PTPRU: variants seen among roughly 807,000 people sequenced by gnomAD.
PTPRU encodes the protein protein tyrosine phosphatase receptor type U, also known as receptor-type tyrosine-protein phosphatase U.
PTPRU carries 69 observed loss-of-function variants against 166.3 expected under a neutral mutation model. The ratio of observed to expected loss-of-function variants is 0.41; its 90% CI spans 0.34 to 0.51. The LOEUF (loss-of-function observed/expected upper bound fraction) is 0.51, where lower values mean the gene tolerates loss of function less well. PTPRU is among the 20% of genes least tolerant of loss of function. The probability of loss-of-function intolerance (pLI) is 0.09; values close to 1 mark genes in which losing one functional copy is unlikely to be tolerated. For synonymous variants in PTPRU, 793 were observed against 814.0 expected (o/e 0.97, Z 0.44); for missense variants, 1,657 against 2,013.7 (o/e 0.82, Z 3.39).
rs1384684995 is a variant in PTPRU at position 29,259,858 on chromosome 1, T to G, written c.676-12T>G. 6.5e-7 allele frequency: 1 copy of G among 1,526,934 alleles called. No homozygotes were observed. Among genetic ancestry groups the G allele is most frequent in the African/African-American group, 1.4e-5 (1 of 72,730 alleles). 94.6% of individuals were successfully genotyped at this position (1,526,934 alleles called of 1,614,324 possible). A position where few individuals can be genotyped will look rare whatever the true frequency, so the allele number is the denominator to read the frequency against. On this transcript the variant is annotated splice_polypyrimidine_tract_variant and intron_variant, in intron 5 of 29. Transcript: ENST00000373779. ...CGAGGCGCCCCTGACCCCCTCACTCTCTTCCCTGCAGCGGCAGAGCGGGGC... is the reference window on the plus strand; with the variant it reads ...CGAGGCGCCCCTGACCCCCTCACTCGCTTCCCTGCAGCGGCAGAGCGGGGC...
chr1:29,250,398 A>G (rs903915643), intron 1 of PTPRU, among the ~76,000 whole-genome samples: 4 of 152,224 alleles, frequency 2.6e-5, no homozygotes, highest in Admixed American at 6.5e-5. Flanking sequence ...CCTGGAATAA[A>G]GATAGGAGGT....
rs1340126934 is a variant in PTPRU at position 29,323,754 on chromosome 1, G to A, written c.4078G>A (p.Glu1360Lys). 1.9e-6 allele frequency: 3 copies of A among 1,614,164 alleles called. No individual in the cohort carries two copies. The highest frequency in any genetic ancestry group is 2.2e-5 in the South Asian group (2 of 91,086). Reference sequence around the variant, plus strand: ...GGCTGAGGTGGACAAGTGGCAGGCCGAGAGTGGGGATGGGCGCACCATCGT... The same window carrying A: ...GGCTGAGGTGGACAAGTGGCAGGCCAAGAGTGGGGATGGGCGCACCATCGT... Reference protein sequence around the residue: ...LLAEVDKWQAESGDGRTIVHC... With the variant: ...LLAEVDKWQAKSGDGRTIVHC... Residue 1360 changes from glutamate (E) to lysine (K), a missense_variant, in exon 28 of 30, where the codon GAG (glutamate) becomes AAG (lysine). This residue lies in a region of PTPRU where 1,190 missense variants were observed against 1,477.4 expected (regional missense o/e 0.81). Coordinates refer to ENST00000373779, the MANE Select transcript of PTPRU (RefSeq NM_133178.4).
At position 29,323,459 on chromosome 1, in the gene PTPRU, T is replaced by C. The variant is rs771988932; in HGVS notation, c.3917T>C (p.Leu1306Ser). ...EFMSGTADEDLVARVFRVQNI... is the reference protein window; with the variant it reads ...EFMSGTADEDSVARVFRVQNI... ...ATGTCGGGCACAGCTGATGAAGACT[T>C]AGTGGCTCGAGTCTTCCGGGTGCAG... is the stretch of plus-strand genomic sequence containing the variant. The change falls in exon 27 of 30, where the codon TTA becomes TCA. Residue 1306 changes from leucine to serine, a missense_variant. Coordinates refer to ENST00000373779, the MANE Select transcript of PTPRU (RefSeq NM_133178.4). The C allele has an allele frequency of 1.2e-6, 2 of 1,604,626 alleles. No individual in the cohort carries two copies. The highest frequency in any genetic ancestry group is 1.7e-6 in the Non-Finnish European group (2 of 1,175,780).
At chr1:29,269,058 G>A (rs2151948371) in intron 7 of PTPRU, among the ~76,000 whole-genome samples, 1 of 151,072 alleles carries the variant, frequency 6.6e-6, no homozygotes, top group African/African-American at 2.4e-5. Flanking sequence ...TTTGTTTTTA[G>A]AGACAGGGTC....
At position 29,279,164 on chromosome 1, in the gene PTPRU, GTGAGAGGTGGCCCTCTTTCTCTC is replaced by G; in HGVS notation, c.1563+46_1563+68del. The G allele has an allele frequency of 1.4e-6, 2 of 1,464,296 alleles. No homozygotes were observed. The highest frequency in any genetic ancestry group is 4.9e-5 in the East Asian group (2 of 40,490). The allele number at this position is 1,464,296 out of a possible 1,614,324, so 90.7% of individuals were successfully genotyped here. The stretch of plus-strand genomic sequence containing the variant: ...TTACAGTGGGGGACCCTGGTGGAAG[GTGAGAGGTGGCCCTCTTTCTCTC>G]TGCTGCTACAGTAGGAGGTGCATGG... On this transcript the variant is annotated intron_variant, in intron 9 of 29. Transcript: ENST00000373779. This position sits in a 1 kb window ranked among gnomAD's most constrained non-coding sequence, Gnocchi z 5.2.
At chr1:29,256,121 A>G (rs1439866990) in intron 2 of PTPRU, among the ~76,000 whole-genome samples, 2 of 152,208 alleles carry the variant, frequency 1.3e-5, no homozygotes, top group Non-Finnish European at 2.9e-5. Context: ...AAAATGAGGC[A>G]AACAGGACTC....
At chr1:29,247,957 G>T (rs181240435) in intron 1 of PTPRU, among the ~76,000 whole-genome samples, 7 of 152,302 alleles carry the variant, frequency 4.6e-5, no homozygotes, top group Admixed American at 3.9e-4. Flanking sequence ...ATTAGAAAAT[G>T]GGCATACTGC....
rs1042811529 is a variant in PTPRU, at chr1:29,326,640, G to A, written c.*979G>A. 1 of 152,210 alleles carries A rather than the reference G, an allele frequency of 6.6e-6. No homozygotes were observed. The highest frequency in any genetic ancestry group is 2.4e-5 in the African/African-American group (1 of 41,400). 9.4% of individuals were successfully genotyped at this position (152,210 alleles called of 1,614,324 possible). ...TATTTTTGGTTGGGTGGGTGGGAAG[G>A]TCTCTTTAAAATGGGGCAGGCCACA... On this transcript the variant is annotated 3_prime_UTR_variant, in exon 30 of 30. Transcript: ENST00000373779.
intron 18 of PTPRU, among the ~76,000 whole-genome samples, chr1:29,309,973 C>T (rs1270767970): frequency 6.6e-6 from 1 of 152,136 alleles, no homozygotes; most frequent in East Asian, 1.9e-4. Flanking sequence ...AAAGATGAGG[C>T]CTTGTGGCAG....
At position 29,260,210 on chromosome 1, in the gene PTPRU, G is replaced by C. The variant is rs1684990882; in HGVS notation, c.850+166G>C. ...CTGTGGAAATGGCAGTGGCCCAGCC[G>C]GGATGAGATCTGATCTAGGGGTCGG... On this transcript the variant is annotated intron_variant, in intron 6 of 29. Transcript: ENST00000373779. The surrounding 1 kb of genome is among the most constrained non-coding windows in gnomAD (Gnocchi z 8.3). The C allele has an allele frequency of 4.9e-6, 4 of 815,738 alleles. No individual in the cohort carries two copies. Among genetic ancestry groups the C allele is most frequent in the Non-Finnish European group, 6.9e-6 (4 of 577,406 alleles). 50.5% of individuals were successfully genotyped at this position (815,738 alleles called of 1,614,324 possible).
chr1:29,320,946 G>T lies in PTPRU; in HGVS notation c.3828+121G>T. The T allele has an allele frequency of 2.6e-6, 3 of 1,153,516 alleles. No homozygotes were observed. Among genetic ancestry groups the T allele is most frequent in the South Asian group, 2.1e-5 (1 of 47,792 alleles). The allele number at this position is 1,153,516 out of a possible 1,614,324, so 71.5% of individuals were successfully genotyped here. A position where few individuals can be genotyped will look rare whatever the true frequency, so the allele number is the denominator to read the frequency against. ...CTCTGCCATCTATTTATTGTGTGAT[G>T]AATCATACACCTTCCCAGAGCCTCA... On this transcript the variant is annotated intron_variant, in intron 26 of 29. Transcript: ENST00000373779. The surrounding 1 kb of genome is among the most constrained non-coding windows in gnomAD (Gnocchi z 5.2).
At chr1:29,283,018 G>A in intron 12 of PTPRU, 69 bp downstream of exon 12, 2 of 1,576,220 alleles carry the variant, frequency 1.3e-6, no homozygotes, top group Non-Finnish European at 1.7e-6. Flanking sequence ...GAGATACCTT[G>A]GAGCAGGCCC....
intron 1 of PTPRU, among the ~76,000 whole-genome samples, chr1:29,244,515 A>G (rs752520862): frequency 6.6e-6 from 1 of 152,100 alleles, no homozygotes; most frequent in Non-Finnish European, 1.5e-5. Flanking sequence ...AGTGGGAAAT[A>G]CATTGCTTAG....
intron 18 of PTPRU, chr1:29,305,740 G>T: frequency 1.9e-6 from 1 of 537,424 alleles, no homozygotes; most frequent in Non-Finnish European, 3.6e-6. Context: ...GATTCTCATC[G>T]TGCACCATGA....
chr1:29,288,697 G>A (rs1356055072), intron 14 of PTPRU, among the ~76,000 whole-genome samples: 3 of 152,050 alleles, frequency 2.0e-5, no homozygotes, highest in African/African-American at 7.2e-5. Context: ...CTGCTGACAG[G>A]GTGATGTGGG....
intron 12 of PTPRU, 59 bp downstream of exon 12, chr1:29,283,008 G>T: frequency 6.3e-7 from 1 of 1,587,416 alleles, no homozygotes; most frequent in Non-Finnish European, 8.6e-7. Context: ...TGGCAGACAG[G>T]AGATACCTTG....
chr1:29,289,237 T>A (rs1557453536), intron 14 of PTPRU, among the ~76,000 whole-genome samples: 1 of 152,130 alleles, frequency 6.6e-6, no homozygotes. Context: ...TGTGTGTTTG[T>A]GAATATATGT....
rs77736198 is a variant in PTPRU, at chr1:29,321,010, T to A, written c.3828+185T>A. 4.0e-3 allele frequency among the ~76,000 whole-genome samples: 607 copies of A among 152,296 alleles called. 5 individuals carry two copies. Among genetic ancestry groups the A allele is most frequent in the African/African-American group, 0.014 (563 of 41,568 alleles). ...TAAAACAAGGGTGTCAGATGGGAGA[T>A]CACTAGTTGCTCTTTTTCTTTTCTT... On this transcript the variant is annotated intron_variant, in intron 26 of 29. Transcript: ENST00000373779.
intron 1 of PTPRU, among the ~76,000 whole-genome samples, chr1:29,246,326 T>C (rs74811232): frequency 0.11 from 17,285 of 152,280 alleles, 1,359 homozygotes; most frequent in East Asian, 0.41. Flanking sequence ...TTGTCAGCCC[T>C]ACGTGAACAA....
Sources: gnomAD v4.1 joint callset for allele counts (sites outside exome capture counted in the v4.1 genomes callset) on GRCh38, gnomAD v4.1.1 for gene constraint, gnomAD v4.1.1 regional missense constraint, Gnocchi (gnomAD v3.1) non-coding constraint, MANE v1.5 for transcripts, NCBI Gene and HGNC (gene_info 2026-07-23, HGNC 2026-07-21) for gene names.